The following NRG1 variants were observed in gnomAD, a reference collection of about 807,000 sequenced individuals.
NRG1 encodes pro-neuregulin-1, membrane-bound isoform.
Under a neutral mutation model 63.8 loss-of-function variants are expected in NRG1, and 18 were observed. The ratio of observed to expected loss-of-function variants is 0.28; its 90% CI spans 0.19 to 0.42. The LOEUF is 0.42. NRG1 is among the 10% of genes least tolerant of loss of function. The pLI, the probability that NRG1 is intolerant of heterozygous loss-of-function variation, is 1.00. For synonymous variants in NRG1, 302 were observed against 301.3 expected (o/e 1.00, Z -0.02); for missense variants, 762 against 814.7 (o/e 0.94, Z 0.79).
intron 1 of NRG1, among the ~76,000 whole-genome samples, chr8:31,771,519 C>T (rs1035750604): frequency 1.3e-5 from 2 of 152,068 alleles, no homozygotes; most frequent in East Asian, 1.9e-4. Flanking sequence ...TTTCTAGAAG[C>T]GTGAAGAACA....
At chr8:31,891,403 C>T (rs778002150) in intron 1 of NRG1, among the ~76,000 whole-genome samples, 2 of 152,062 alleles carry the variant, frequency 1.3e-5, no homozygotes, top group Non-Finnish European at 2.9e-5. Flanking sequence ...AGGTCATTAA[C>T]CATTAAGAAA....
At chr8:32,272,189 G>C (rs937848341) in intron 1 of NRG1, among the ~76,000 whole-genome samples, 2 of 152,174 alleles carry the variant, frequency 1.3e-5, no homozygotes, top group Non-Finnish European at 2.9e-5. Context: ...TCCAAGGTCA[G>C]GGTGCCAGCC....
At chr8:31,886,267 A>C (rs1393235918) in intron 1 of NRG1, among the ~76,000 whole-genome samples, 1 of 152,124 alleles carries the variant, frequency 6.6e-6, no homozygotes, top group African/African-American at 2.4e-5. Flanking sequence ...CATTATTAAC[A>C]GTGTGGAAAA....
At chr8:32,227,613 G>A (rs1368573039) in intron 1 of NRG1, among the ~76,000 whole-genome samples, 1 of 152,136 alleles carries the variant, frequency 6.6e-6, no homozygotes, top group Non-Finnish European at 1.5e-5. Context: ...TTCTTTTCCT[G>A]AGGCTTGAGA....
chr8:31,912,201 A>G (rs1833000229), intron 1 of NRG1, among the ~76,000 whole-genome samples: 1 of 152,226 alleles, frequency 6.6e-6, no homozygotes, highest in African/African-American at 2.4e-5. Context: ...TCCGCTAACT[A>G]TAAAACATTG....
At chr8:32,588,427 C>T (rs1173015374) in intron 1 of NRG1, among the ~76,000 whole-genome samples, 2 of 152,066 alleles carry the variant, frequency 1.3e-5, no homozygotes, top group East Asian at 1.9e-4. Context: ...GGAGGACATC[C>T]GTATGTAAAA....
intron 1 of NRG1, among the ~76,000 whole-genome samples, chr8:32,332,818 A>G (rs549757488): frequency 2.6e-5 from 4 of 152,318 alleles, no homozygotes; most frequent in African/African-American, 9.6e-5. Context: ...TGTTTTGCTC[A>G]GAAGACTGTG....
chr8:32,245,287 T>A (rs1848496622), intron 1 of NRG1, among the ~76,000 whole-genome samples: 1 of 152,098 alleles, frequency 6.6e-6, no homozygotes, highest in Non-Finnish European at 1.5e-5. Context: ...TTCAGTGACA[T>A]CAAGTTAGGG....
chr8:31,740,896 T>C (rs1279724747), intron 1 of NRG1, among the ~76,000 whole-genome samples: 2 of 151,930 alleles, frequency 1.3e-5, no homozygotes, highest in Non-Finnish European at 2.9e-5. Context: ...ACAAATCGTT[T>C]TACCAAAAAG....
At chr8:32,487,824 G>A (rs954310098) in intron 1 of NRG1, among the ~76,000 whole-genome samples, 11 of 152,162 alleles carry the variant, frequency 7.2e-5, no homozygotes, top group South Asian at 4.1e-4. Flanking sequence ...ACTCGTTACC[G>A]TCCCTTTCAA....
intron 1 of NRG1, among the ~76,000 whole-genome samples, chr8:32,313,639 T>C (rs969064092): frequency 5.3e-5 from 8 of 152,164 alleles, no homozygotes; most frequent in African/African-American, 1.9e-4. Context: ...AAGCAGGGAG[T>C]TGTCACATCC....
At chr8:31,764,804 A>T (rs1354897302) in intron 1 of NRG1, among the ~76,000 whole-genome samples, 1 of 151,672 alleles carries the variant, frequency 6.6e-6, no homozygotes, top group Admixed American at 6.6e-5. Context: ...TTAGTTACAT[A>T]TGTATACATG....
At chr8:32,074,240 A>AT (rs1415570539) in intron 1 of NRG1, among the ~76,000 whole-genome samples, 3 of 151,954 alleles carry the variant, frequency 2.0e-5, no homozygotes, top group Non-Finnish European at 4.4e-5. Flanking sequence ...TACTTTTGAG[A>AT]TTTTTTTGGT....
chr8:32,199,827 T>C (rs1326052041), intron 1 of NRG1, among the ~76,000 whole-genome samples: 2 of 152,206 alleles, frequency 1.3e-5, no homozygotes, highest in Non-Finnish European at 2.9e-5. Flanking sequence ...TTGCCCATGC[T>C]GGAGTGCAAT....
chr8:32,665,901 G>GA (rs528532608), intron 5 of NRG1, among the ~76,000 whole-genome samples: 1 of 152,136 alleles, frequency 6.6e-6, no homozygotes, highest in South Asian at 2.1e-4. Flanking sequence ...TGTATGAAAA[G>GA]AAAAAAATTA....
intron 1 of NRG1, among the ~76,000 whole-genome samples, chr8:31,924,228 G>A (rs747368288): frequency 7.9e-5 from 12 of 151,690 alleles, no homozygotes; most frequent in African/African-American, 2.2e-4. Flanking sequence ...AGTGGTGCAC[G>A]CCTGTAGTCC....
intron 1 of NRG1, among the ~76,000 whole-genome samples, chr8:32,561,846 GT>G (rs1265869693): frequency 7.2e-6 from 1 of 139,768 alleles, no homozygotes; most frequent in African/African-American, 2.7e-5. Flanking sequence ...TTTATTTAGG[GT>G]TTTTGGGGGG....
chr8:31,801,016 A>AT (rs35832985), intron 1 of NRG1, among the ~76,000 whole-genome samples: 63 of 146,340 alleles, frequency 4.3e-4, no homozygotes, highest in Non-Finnish European at 7.5e-4. Flanking sequence ...ATTTTTTTGT[A>AT]TTTTTTTTTT....
rs77297567 is a variant in NRG1 at position 32,589,794 on chromosome 8, T to G, written c.101-6034T>G. Reference sequence around the variant, plus strand: ...TGAAAAATAAGGGCACAGTAGATGATCAAAACAAGAGGATTGCTTAGATGA... The same window carrying G: ...TGAAAAATAAGGGCACAGTAGATGAGCAAAACAAGAGGATTGCTTAGATGA... On this transcript the variant is annotated intron_variant, in intron 1 of 11. Coordinates refer to ENST00000356819, the Ensembl canonical transcript of NRG1. 3.8e-3 allele frequency among the ~76,000 whole-genome samples: 584 copies of G among 152,334 alleles called. 2 individuals carry two copies. The highest frequency in any genetic ancestry group is 5.2e-3 in the Non-Finnish European group (352 of 68,032).
Sources: gnomAD v4.1 joint callset for allele counts (sites outside exome capture counted in the v4.1 genomes callset) on GRCh38, gnomAD v4.1.1 for gene constraint, MANE v1.5 for transcripts, NCBI Gene and HGNC (gene_info 2026-07-23, HGNC 2026-07-21) for gene names.